Variants in CTR9 observed in about 807,000 individuals in gnomAD.
The protein encoded by CTR9 is RNA polymerase-associated protein CTR9 homolog.
A neutral mutation model predicts 152.1 loss-of-function variants in CTR9; 41 were observed. The ratio of observed to expected loss-of-function variants is 0.27; its 90% CI spans 0.21 to 0.35. The LOEUF is 0.35. CTR9 is among the 10% of genes least tolerant of loss of function. The pLI, the probability that CTR9 is intolerant of heterozygous loss-of-function variation, is 1.00. For missense variants in CTR9, 917 were observed against 1,424.4 expected (o/e 0.64, Z 5.73); for synonymous variants, 476 against 496.2 (o/e 0.96, Z 0.54).
intron 1 of CTR9, among the ~76,000 whole-genome samples, chr11:10,751,955 C>G (rs1378002921): frequency 6.6e-6 from 1 of 152,058 alleles, no homozygotes; most frequent in Non-Finnish European, 1.5e-5. Flanking sequence ...ACGAGATATC[C>G]CAAGATTTAG....
chr11:10,771,696 A>G, intron 19 of CTR9, 80 bp downstream of exon 19: 1 of 989,860 alleles, frequency 1.0e-6, no homozygotes, highest in Non-Finnish European at 1.6e-6. Flanking sequence ...ACAGTAGGGA[A>G]CAGAGGTTCC....
intron 5 of CTR9, among the ~76,000 whole-genome samples, chr11:10,759,377 A>T (rs1862937808): frequency 6.6e-6 from 1 of 152,226 alleles, no homozygotes; most frequent in South Asian, 2.1e-4. Context: ...TGATCATTGG[A>T]TTTAGCACCA....
In CTR9 at chr11:10,767,724, A is replaced by G; in HGVS notation, c.1687-82A>G. On this transcript the variant is annotated intron_variant, in intron 13 of 24. Transcript: ENST00000361367. The surrounding 1 kb of genome is among the most constrained non-coding windows in gnomAD (Gnocchi z 4.0). The stretch of plus-strand genomic sequence containing the variant: ...TGTAATATAGTTTGTAAACCTCTTC[A>G]GTAATCAGCTATTGTGGGAAGATGA... The G allele has an allele frequency of 8.4e-7, 1 of 1,190,736 alleles. No individual in the cohort carries two copies. Among genetic ancestry groups the G allele is most frequent in the South Asian group, 1.4e-5 (1 of 74,040 alleles). The allele number at this position is 1,190,736 out of a possible 1,614,324, so 73.8% of individuals were successfully genotyped here.
At chr11:10,773,302 G>C (rs1350232883) in intron 21 of CTR9, 29 bp downstream of exon 21, 1 of 1,599,866 alleles carries the variant, frequency 6.3e-7, no homozygotes, top group African/African-American at 1.4e-5. Context: ...TAGCACAAGT[G>C]ACCTCATTCT....
intron 20 of CTR9, 146 bp from the exon 21 acceptor site, chr11:10,772,981 T>G: frequency 1.1e-6 from 1 of 907,186 alleles, no homozygotes; most frequent in East Asian, 2.6e-5. Flanking sequence ...GAGCCGAGAT[T>G]GCACCACTGT....
chr11:10,761,756 AAAAT>A (rs1160914465), intron 6 of CTR9, among the ~76,000 whole-genome samples, 187 bp from the exon 7 acceptor site: 2 of 152,216 alleles, frequency 1.3e-5, no homozygotes, highest in South Asian at 4.1e-4. Context: ...GACACACAAA[AAAAT>A]TAAGGATTAA....
Position 10,760,401 on chromosome 11 carries a change from A to T in CTR9, c.741+80A>T. Reference sequence around the variant, plus strand: ...TCTTATCTAAAACTCTTGGAGCCAGATGTGTCTTAGAAATTAAGATTACAG... The same window carrying T: ...TCTTATCTAAAACTCTTGGAGCCAGTTGTGTCTTAGAAATTAAGATTACAG... On this transcript the variant is annotated intron_variant, in intron 6 of 24. Transcript: ENST00000361367. 3.7e-6 allele frequency: 5 copies of T among 1,337,490 alleles called. No individual in the cohort carries two copies. The African/African-American group carries it at 4.4e-5, about 12-fold the overall frequency. The allele number at this position is 1,337,490 out of a possible 1,614,324, so 82.9% of individuals were successfully genotyped here. A position where few individuals can be genotyped will look rare whatever the true frequency, so the allele number is the denominator to read the frequency against.
rs190026360 is a variant in CTR9, at chr11:10,759,791, A to G, written c.593-382A>G. ...ACATATGAGCATAGCTTTGAAAGGA[A>G]CAATGGTATGTGCCCATAATCAGTC... is the stretch of plus-strand genomic sequence containing the variant. On this transcript the variant is annotated intron_variant, in intron 5 of 24. Coordinates refer to ENST00000361367, the MANE Select transcript of CTR9 (RefSeq NM_014633.5). 2.0e-5 allele frequency among the ~76,000 whole-genome samples: 3 copies of G among 152,350 alleles called. No individual in the cohort carries two copies. The East Asian group carries it at 5.8e-4, about 29-fold the overall frequency.
Position 10,751,300 on chromosome 11 carries a change from G to A in CTR9, c.-113G>A. The stretch of plus-strand genomic sequence containing the variant: ...GCCAGAGCTCCAGCGGCGCCGCGGG[G>A]CGGCAGTCAAGACCAGAGCCGGAGC... On this transcript the variant is annotated 5_prime_UTR_variant, in exon 1 of 25. Transcript: ENST00000361367. 1.8e-6 allele frequency: 2 copies of A among 1,124,424 alleles called. No homozygotes were observed. The highest frequency in any genetic ancestry group is 2.4e-5 in the East Asian group (1 of 41,458). 69.7% of individuals were successfully genotyped at this position (1,124,424 alleles called of 1,614,324 possible).
chr11:10,753,483 T>A (rs1862837064), intron 2 of CTR9, among the ~76,000 whole-genome samples: 1 of 152,012 alleles, frequency 6.6e-6, no homozygotes, highest in South Asian at 2.1e-4. Flanking sequence ...GAGAAATAGG[T>A]CTGGAATTGG....
chr11:10,769,999 C>G (rs1350152462), intron 16 of CTR9, among the ~76,000 whole-genome samples: 1 of 152,162 alleles, frequency 6.6e-6, no homozygotes, highest in African/African-American at 2.4e-5. Context: ...TTTCAAGCAT[C>G]TAGTTTTTCT....
At chr11:10,751,594 G>A in intron 1 of CTR9, 137 bp downstream of exon 1, 1 of 831,036 alleles carries the variant, frequency 1.2e-6, no homozygotes, top group Non-Finnish European at 1.9e-6. Context: ...GCCAAGGTCT[G>A]ATCATCATCT....
chr11:10,767,827 T>C lies in CTR9; in HGVS notation c.1708T>C (p.Leu570=), dbSNP rs1385787025. Residue 570 remains leucine (L), a synonymous_variant, in exon 14 of 25, where the codon TTG becomes CTG. Coordinates refer to ENST00000361367, the MANE Select transcript of CTR9 (RefSeq NM_014633.5). The surrounding 1 kb of genome is among the most constrained non-coding windows in gnomAD (Gnocchi z 4.0). ...TCAGGATCATCCAGATGCTTGGTCT[T>C]TGATTGGCAATCTTCATTTGGCAAA... is the stretch of plus-strand genomic sequence containing the variant. The part of the protein sequence containing the change: ...INQDHPDAWS[L]IGNLHLAKQE... The C allele has an allele frequency of 6.2e-7, 1 of 1,614,004 alleles. No homozygotes were observed. The highest frequency in any genetic ancestry group is 8.5e-7 in the Non-Finnish European group (1 of 1,180,000).
intron 7 of CTR9, among the ~76,000 whole-genome samples, chr11:10,762,970 T>C (rs1209983747): frequency 6.7e-6 from 1 of 150,080 alleles, no homozygotes; most frequent in Non-Finnish European, 1.5e-5. Context: ...ATGGCGCCAC[T>C]GCACTCCAGC....
chr11:10,762,096 G>A (rs768620591), intron 7 of CTR9, 42 bp downstream of exon 7: 1 of 1,120,110 alleles, frequency 8.9e-7, no homozygotes, highest in Non-Finnish European at 1.3e-6. Context: ...TTGTTTTTCT[G>A]TACTGCAATT....
At chr11:10,768,802 T>G (rs1339386111) in intron 16 of CTR9, among the ~76,000 whole-genome samples, 1 of 152,242 alleles carries the variant, frequency 6.6e-6, no homozygotes, top group African/African-American at 2.4e-5. Context: ...GAAAACTACT[T>G]GGCACTAGCA....
chr11:10,772,098 G>A (rs759906222), intron 19 of CTR9, among the ~76,000 whole-genome samples: 5 of 152,102 alleles, frequency 3.3e-5, no homozygotes, highest in Non-Finnish European at 5.9e-5. Context: ...GCTCACACCT[G>A]TAATCCTGGC....
chr11:10,773,968 C>T (rs1323150453), intron 21 of CTR9, 44 bp from the exon 22 acceptor site: 2 of 1,442,004 alleles, frequency 1.4e-6, no homozygotes, highest in Non-Finnish European at 1.9e-6. Context: ...AACCACATTC[C>T]ACCAACCAGG....
intron 24 of CTR9, among the ~76,000 whole-genome samples, chr11:10,776,971 G>GAAAAAAAAAAAAAAAAAAAAA (rs11326865): frequency 3.2e-5 from 2 of 63,236 alleles, no homozygotes; most frequent in Non-Finnish European, 5.6e-5. Flanking sequence ...AGACTCTTGT[G>GAAAAAAAAAAAAAAAAAAAAA]AAAAAAAAAA....
Sources: gnomAD v4.1 joint callset for allele counts (sites outside exome capture counted in the v4.1 genomes callset) on GRCh38, gnomAD v4.1.1 for gene constraint, Gnocchi (gnomAD v3.1) non-coding constraint, MANE v1.5 for transcripts, NCBI Gene and HGNC (gene_info 2026-07-23, HGNC 2026-07-21) for gene names.